The following TRPT1 variants were observed in gnomAD, a reference collection of about 807,000 sequenced individuals.
The protein encoded by TRPT1 is tRNA 2'-phosphotransferase 1.
A neutral mutation model predicts 28.4 loss-of-function variants in TRPT1; 22 were observed. The observed-to-expected ratio is 0.78, with a 90% CI of 0.55 to 1.11. TRPT1 has a LOEUF of 1.11. TRPT1 is among the 50% of genes least tolerant of loss of function. The pLI is 0.00. For missense variants in TRPT1, 308 were observed against 317.7 expected, an observed-to-expected ratio of 0.97 and a Z score of 0.23; for synonymous variants, 137 against 132.4, an observed-to-expected ratio of 1.03 and a Z score of -0.24.
chr11:64,226,062 G>C lies in TRPT1; in HGVS notation c.-22C>G, dbSNP rs2429457. 550,023 of 557,524 alleles carry C rather than the reference G, an allele frequency of 0.99. 271,735 individuals are homozygous for C. Among genetic ancestry groups the C allele is most frequent in the East Asian group, 1 (31,512 of 31,512 alleles). 34.5% of individuals were successfully genotyped at this position (557,524 alleles called of 1,614,324 possible). On this transcript the variant is annotated 5_prime_UTR_variant, in exon 1 of 8. Transcript: ENST00000317459. Reference sequence around the variant, plus strand: ...AGGCCAGACTTGCCCAAGGTCACACGGTCAGCCAGGAGCGCAGGGAGGCCG... The same window carrying C: ...AGGCCAGACTTGCCCAAGGTCACACCGTCAGCCAGGAGCGCAGGGAGGCCG...
chr11:64,223,941 C>T lies in TRPT1; in HGVS notation c.697G>A (p.Glu233Lys). Residue 233 changes from glutamate to lysine, a missense_variant, in exon 8 of 8, where the codon GAA becomes AAA. Physicochemically the swap from Glu to Lys is moderately conservative, Grantham distance 56. Coordinates refer to ENST00000317459, the MANE Select transcript of TRPT1 (RefSeq NM_001033678.4). ...TRKPLSLAGD[E>K]ETECQSSPKH... ...GGGCTACTCTGACACTCTGTCTCTT[C>T]ATCACCAGCCAAGGAAAGGGGCTTT... The T allele has an allele frequency of 6.2e-7, 1 of 1,614,042 alleles. No homozygotes were observed.
chr11:64,226,184 G>A lies in TRPT1; in HGVS notation c.-144C>T, dbSNP rs1639509384. The A allele has an allele frequency of 4.8e-6, 2 of 415,204 alleles. No homozygotes were observed. The highest frequency in any genetic ancestry group is 4.4e-5 in the Admixed American group (1 of 22,738). 25.7% of individuals were successfully genotyped at this position (415,204 alleles called of 1,614,324 possible). ...CGGGCGGAAGCGTCGGGGCGGCGGG[G>A]ACAAACCTCCAGGATCCTCGACCGC... On this transcript the variant is annotated 5_prime_UTR_variant, in exon 1 of 8. Coordinates refer to ENST00000317459, the MANE Select transcript of TRPT1 (RefSeq NM_001033678.4).
At position 64,224,956 on chromosome 11, in the gene TRPT1, G is replaced by C. The variant is rs770278288; in HGVS notation, c.172C>G (p.Leu58Val). Reference sequence around the variant, plus strand: ...TGGGGCAACTGCAGGAGGGTGCCCAGGGGCACGAAGCCATCTGTGGGCAGG... The same window carrying C: ...TGGGGCAACTGCAGGAGGGTGCCCACGGGCACGAAGCCATCTGTGGGCAGG... ...LPMGADGFVP[L>V]GTLLQLPQFR... The change falls in exon 4 of 8, where the codon CTG becomes GTG. Residue 58 changes from leucine to valine, a missense_variant. By Grantham distance (32) the Leu-to-Val change is conservative (BLOSUM62 1). Transcript: ENST00000317459. 3.4e-5 allele frequency: 53 copies of C among 1,561,020 alleles called. No individual in the cohort carries two copies. The highest frequency in any genetic ancestry group is 4.6e-5 in the Non-Finnish European group (53 of 1,152,966).
Position 64,224,206 on chromosome 11 carries a change from TC to T in TRPT1, c.563del (p.Gly188GlufsTer11), listed in dbSNP as rs1946816621. 6.2e-7 allele frequency: 1 copy of T among 1,612,206 alleles called. No homozygotes were observed. Among genetic ancestry groups the T allele is most frequent in the South Asian group, 1.1e-5 (1 of 91,014 alleles). Reference protein sequence around the residue: ...FIDGPLALADGIPFFRSANGV... With the variant: ...FIDGPLALADXIPFFRSANGV... ...CATTGGCAGAGCGGAAGAAGGGTAT[TC>T]CATCTGCTGACAGAGCCAGAGATGT... On this transcript the variant is annotated frameshift_variant, in exon 7 of 8. Transcript: ENST00000317459. LOFTEE classifies it high-confidence loss of function.
chr11:64,225,432 G>C, intron 3 of TRPT1, 67 bp downstream of exon 3: 1 of 1,370,702 alleles, frequency 7.3e-7, no homozygotes, highest in Non-Finnish European at 1.0e-6. Flanking sequence ...AGCCATCAGG[G>C]AGGAGTCGCA....
At chr11:64,224,046 A>G (rs753882486) in intron 7 of TRPT1, 54 bp downstream of exon 7, 34 of 1,591,558 alleles carry the variant, frequency 2.1e-5, no homozygotes, top group Non-Finnish European at 2.8e-5. Flanking sequence ...AGGTGAGGGC[A>G]GAAGGGCACA....
rs1947004932 is a variant in TRPT1 at position 64,226,139 on chromosome 11, G to A, written c.-99C>T. 6.6e-6 allele frequency: 3 copies of A among 456,256 alleles called. No individual in the cohort carries two copies. The highest frequency in any genetic ancestry group is 7.7e-6 in the Non-Finnish European group (2 of 258,984). The allele number at this position is 456,256 out of a possible 1,614,324, so 28.3% of individuals were successfully genotyped here. Reference sequence around the variant, plus strand: ...GCCCCGCAGGGTGGTCCGGGAGGCAGGGCCGACGTGCCGACGGACCGGGCG... The same window carrying A: ...GCCCCGCAGGGTGGTCCGGGAGGCAAGGCCGACGTGCCGACGGACCGGGCG... On this transcript the variant is annotated 5_prime_UTR_variant, in exon 1 of 8. Transcript: ENST00000317459.
rs1341171498 is a variant in TRPT1 at position 64,224,837 on chromosome 11, G to C, written c.291C>G (p.Gly97=). ...GGCCCTGGTTGGCCCGGATGAGAAG[G>C]CCAGTGCTGGGATCCCCCAGCTGCA... ...FALQLGDPST[G]LLIRANQGHS... The change falls in exon 4 of 8, where the codon GGC becomes GGG. Residue 97 remains glycine, a synonymous_variant. Coordinates refer to ENST00000317459, the MANE Select transcript of TRPT1 (RefSeq NM_001033678.4). 6.2e-7 allele frequency: 1 copy of C among 1,613,598 alleles called. No individual in the cohort carries two copies. The highest frequency in any genetic ancestry group is 8.5e-7 in the Non-Finnish European group (1 of 1,180,010).
At chr11:64,225,961 G>A in intron 1 of TRPT1, 89 bp downstream of exon 1, 1 of 759,554 alleles carries the variant, frequency 1.3e-6, no homozygotes, top group Non-Finnish European at 2.3e-6. Context: ...GGAAGTGAGC[G>A]CTGGGTGGGA....
At chr11:64,226,251 C>A, upstream of TRPT1, 1 of 469,958 alleles carries the variant, frequency 2.1e-6, no homozygotes, top group Non-Finnish European at 3.3e-6. Context: ...AGGGGGCGGG[C>A]ACTTCCGCTT....
chr11:64,223,914 T>TGGGGCTACTC lies in TRPT1; in HGVS notation c.714_723dup (p.Lys242GlufsTer2). The TGGGGCTACTC allele has an allele frequency of 6.2e-7, 1 of 1,613,806 alleles. No individual in the cohort carries two copies. Among genetic ancestry groups the TGGGGCTACTC allele is most frequent in the Non-Finnish European group, 8.5e-7 (1 of 1,179,796 alleles). On this transcript the variant is annotated stop_gained and frameshift_variant, in exon 8 of 8. Transcript: ENST00000317459. LOFTEE classifies it high-confidence loss of function. ...CTCCTCCTTTCTCTGGAGCTGTGCT[T>TGGGGCTACTC]GGGGCTACTCTGACACTCTGTCTCT...
At position 64,225,464 on chromosome 11, in the gene TRPT1, G is replaced by A. The variant is rs186471946; in HGVS notation, c.157+35C>T. On this transcript the variant is annotated intron_variant, in intron 3 of 7. Transcript: ENST00000317459. ...CGCAGACAGGCTCACGTTTCTCTCT[G>A]GGCTCAAGCCCCAGCCTCCAAGGCC... 5.0e-5 allele frequency: 79 copies of A among 1,575,928 alleles called. No individual in the cohort carries two copies. The East Asian group carries it at 9.2e-4, about 18-fold the overall frequency.
intron 3 of TRPT1, 39 bp downstream of exon 3, chr11:64,225,456 TTCTC>T (rs1342282643): frequency 6.4e-6 from 10 of 1,556,992 alleles, no homozygotes; most frequent in East Asian, 2.3e-5. Context: ...AGGCTCACGT[TTCTC>T]TCTGGGCTCA....
rs564067251 is a variant in TRPT1, at chr11:64,223,860, T to C, written c.*16A>G. 4.6e-6 allele frequency: 7 copies of C among 1,522,090 alleles called. No individual in the cohort carries two copies. The African/African-American group carries it at 9.9e-5, about 22-fold the overall frequency. 94.3% of individuals were successfully genotyped at this position (1,522,090 alleles called of 1,614,324 possible). ...TCTTGTTACTTTTTAAAATTTCTTTTTTATAAATTAATATTTTATTGTTGG... is the reference window on the plus strand; with the variant it reads ...TCTTGTTACTTTTTAAAATTTCTTTCTTATAAATTAATATTTTATTGTTGG... On this transcript the variant is annotated 3_prime_UTR_variant, in exon 8 of 8. Transcript: ENST00000317459.
chr11:64,225,465 G>T, intron 3 of TRPT1, 34 bp downstream of exon 3: 1 of 1,579,618 alleles, frequency 6.3e-7, no homozygotes, highest in South Asian at 1.1e-5. Context: ...TTTCTCTCTG[G>T]GCTCAAGCCC....
intron 7 of TRPT1, 38 bp downstream of exon 7, chr11:64,224,061 TC>T (rs755699847): frequency 1.5e-5 from 24 of 1,597,566 alleles, no homozygotes; most frequent in Non-Finnish European, 1.7e-5. Flanking sequence ...GGCACAGCTT[TC>T]AGGAACAAGG....
chr11:64,225,368 T>G, intron 3 of TRPT1, 131 bp downstream of exon 3: 1 of 729,784 alleles, frequency 1.4e-6, no homozygotes, highest in South Asian at 1.8e-5. Flanking sequence ...CTTGCTCTCC[T>G]CTGTGCATGG....
At chr11:64,226,000 C>T (rs781413786) in intron 1 of TRPT1, 50 bp downstream of exon 1, 363 of 627,252 alleles carry the variant, frequency 5.8e-4, no homozygotes, top group Non-Finnish European at 8.7e-4. Context: ...TCACCACCCC[C>T]AAGTCCCTGC....
Position 64,224,463 on chromosome 11 carries a change from A to G in TRPT1, c.502+80T>C, listed in dbSNP as rs1171817062. 5 of 1,587,916 alleles carry G rather than the reference A, an allele frequency of 3.1e-6. No homozygotes were observed. In the East Asian group the frequency reaches 9.0e-5, roughly 28 times the overall value. The stretch of plus-strand genomic sequence containing the variant: ...TCCATGCCGGACATGGGGTGGCCCC[A>G]GACAAGTGTTGTAACCTTTGAAGGG... On this transcript the variant is annotated intron_variant, in intron 5 of 7. Coordinates refer to ENST00000317459, the MANE Select transcript of TRPT1 (RefSeq NM_001033678.4).
Sources: gnomAD v4.1 joint callset for allele counts on GRCh38, gnomAD v4.1.1 for gene constraint, MANE v1.5 for transcripts, NCBI Gene and HGNC (gene_info 2026-07-23, HGNC 2026-07-21) for gene names.